CRY1: variants seen among roughly 807,000 people sequenced by gnomAD.
The protein encoded by CRY1 is cryptochrome-1.
Under a neutral mutation model 76.0 loss-of-function variants are expected in CRY1, and 45 were observed. The ratio of observed to expected loss-of-function variants is 0.59; its 90% CI spans 0.47 to 0.76. CRY1 has a LOEUF of 0.76. CRY1 is among the 30% of genes least tolerant of loss of function. The pLI is 0.00. For synonymous variants in CRY1, 248 were observed against 244.0 expected, an observed-to-expected ratio of 1.02 and a Z score of -0.15; for missense variants, 587 against 716.4, an observed-to-expected ratio of 0.82 and a Z score of 2.06.
At chr12:107,077,066 T>C (rs73184267) in intron 1 of CRY1, among the ~76,000 whole-genome samples, 1,631 of 152,200 alleles carry the variant, frequency 0.011, 21 homozygotes, top group Non-Finnish European at 0.015. Flanking sequence ...TATTTCCTTA[T>C]AGCAATGCAA....
intron 1 of CRY1, among the ~76,000 whole-genome samples, chr12:107,023,656 C>A (rs887603461): frequency 4.6e-5 from 7 of 152,162 alleles, no homozygotes; most frequent in African/African-American, 1.7e-4. Context: ...AGTCAAGGTG[C>A]TATATTTTTA....
rs1398751313 is a variant in CRY1 at position 106,999,926 on chromosome 12, T to G, written c.825+16A>C. On this transcript the variant is annotated intron_variant, in intron 6 of 12. Coordinates refer to ENST00000008527, the MANE Select transcript of CRY1 (RefSeq NM_004075.5). ...TTTTAAAGTATTAAACAATAAGCTC[T>G]AATTTTAGAGAATACCTTTTTGTAG... 6.3e-7 allele frequency: 1 copy of G among 1,592,556 alleles called. No individual in the cohort carries two copies. The highest frequency in any genetic ancestry group is 1.2e-5 in the South Asian group (1 of 86,118).
In CRY1 at chr12:107,001,752, G is replaced by A. The variant is rs752701843; in HGVS notation, c.595+12C>T. ...ACTTGCAAGCCTCACACTGACTACA[G>A]TTTACACTCACCTAGCTCTTCCAGT... On this transcript the variant is annotated intron_variant, in intron 4 of 12. Transcript: ENST00000008527. 5.2e-6 allele frequency: 8 copies of A among 1,534,614 alleles called. No individual in the cohort carries two copies. The highest frequency in any genetic ancestry group is 6.9e-6 in the Non-Finnish European group (8 of 1,152,810).
intron 3 of CRY1, among the ~76,000 whole-genome samples, chr12:107,002,992 A>C (rs961855683): frequency 1.3e-5 from 2 of 152,154 alleles, no homozygotes; most frequent in African/African-American, 4.8e-5. Flanking sequence ...TAAATTGCCC[A>C]GTCTCGGGTA....
intron 2 of CRY1, among the ~76,000 whole-genome samples, chr12:107,008,898 C>T (rs1661330770): frequency 6.6e-6 from 1 of 152,198 alleles, no homozygotes; most frequent in African/African-American, 2.4e-5. Flanking sequence ...TAACATGTGC[C>T]TTTGCTCCTC....
intron 1 of CRY1, among the ~76,000 whole-genome samples, chr12:107,029,539 T>C (rs1022391338): frequency 6.7e-6 from 1 of 149,500 alleles, no homozygotes; most frequent in African/African-American, 2.5e-5. Flanking sequence ...GAGGCTGCAC[T>C]GAGCTGGCTG....
intron 2 of CRY1, among the ~76,000 whole-genome samples, chr12:107,020,704 G>C (rs779933507): frequency 1.3e-5 from 2 of 152,024 alleles, no homozygotes; most frequent in African/African-American, 4.8e-5. Context: ...CTGCAGAACT[G>C]TGAGCCAATT....
At chr12:107,047,324 A>G (rs952278063) in intron 1 of CRY1, among the ~76,000 whole-genome samples, 3 of 152,218 alleles carry the variant, frequency 2.0e-5, no homozygotes, top group African/African-American at 7.2e-5. Flanking sequence ...AAATCATTTC[A>G]TTTGAAACAA....
intron 1 of CRY1, among the ~76,000 whole-genome samples, chr12:107,091,028 G>C (rs755593990): frequency 3.3e-5 from 5 of 151,254 alleles, no homozygotes; most frequent in Non-Finnish European, 7.4e-5. Flanking sequence ...TTTTTATATA[G>C]CACCAAACTA....
chr12:107,071,270 C>T (rs1334681273), intron 1 of CRY1, among the ~76,000 whole-genome samples: 1 of 152,080 alleles, frequency 6.6e-6, no homozygotes, highest in Non-Finnish European at 1.5e-5. Flanking sequence ...CCTTCTATTT[C>T]TGGTTTAGTA....
chr12:107,059,209 C>A (rs1335170192), intron 1 of CRY1, among the ~76,000 whole-genome samples: 4 of 151,902 alleles, frequency 2.6e-5, no homozygotes, highest in African/African-American at 4.8e-5. Context: ...TAAGTTACAA[C>A]CCCCCAAATT....
chr12:107,087,153 A>C (rs1953412788), intron 1 of CRY1, among the ~76,000 whole-genome samples: 1 of 152,244 alleles, frequency 6.6e-6, no homozygotes. Flanking sequence ...ATTAGACTCC[A>C]ATCCATGAGA....
chr12:107,017,542 T>C (rs1244331231), intron 2 of CRY1, among the ~76,000 whole-genome samples: 1 of 152,204 alleles, frequency 6.6e-6, no homozygotes, highest in Admixed American at 6.5e-5. Flanking sequence ...TGTTGTTTGG[T>C]CCACTCTCTA....
intron 1 of CRY1, among the ~76,000 whole-genome samples, chr12:107,089,679 T>TA (rs920987526): frequency 6.6e-6 from 1 of 152,144 alleles, no homozygotes; most frequent in African/African-American, 2.4e-5. Flanking sequence ...TAAAGAAAAC[T>TA]AAGAGGGTTT....
rs146062464 is a variant in CRY1, at chr12:107,043,818, G to A, written c.159-21626C>T. Among the ~76,000 whole-genome samples the A allele has an allele frequency of 4.8e-3, 723 of 152,042 alleles. 16 individuals carry two copies. The highest frequency in any genetic ancestry group is 3.5e-3 in the East Asian group (18 of 5,170). ...ATACTGCTGAGCCCCACTATACCACGGTCTAGAGTTATTACTACACAGTTG... is the reference window on the plus strand; with the variant it reads ...ATACTGCTGAGCCCCACTATACCACAGTCTAGAGTTATTACTACACAGTTG... On this transcript the variant is annotated intron_variant, in intron 1 of 12. Coordinates refer to ENST00000008527, the MANE Select transcript of CRY1 (RefSeq NM_004075.5).
In CRY1 at chr12:107,021,725, C is replaced by A. The variant is rs549776112; in HGVS notation, c.267+359G>T. Among the ~76,000 whole-genome samples the A allele has an allele frequency of 9.9e-4, 150 of 151,370 alleles. 1 individual carries two copies. Among genetic ancestry groups the A allele is most frequent in the Admixed American group, 6.6e-3 (101 of 15,188 alleles). On this transcript the variant is annotated intron_variant, in intron 2 of 12. Coordinates refer to ENST00000008527, the MANE Select transcript of CRY1 (RefSeq NM_004075.5). ...ACATATATATATACACACACACACACAAAAATATATATATATACACACACA... is the reference window on the plus strand; with the variant it reads ...ACATATATATATACACACACACACAAAAAAATATATATATATACACACACA...
At chr12:107,078,026 A>T (rs1173339584) in intron 1 of CRY1, among the ~76,000 whole-genome samples, 1 of 152,244 alleles carries the variant, frequency 6.6e-6, no homozygotes, top group Non-Finnish European at 1.5e-5. Context: ...TAATTCATTG[A>T]TTAAGGAAGA....
chr12:107,053,740 A>ATACAAGTAAATT (rs1186649315), intron 1 of CRY1, among the ~76,000 whole-genome samples: 4 of 152,236 alleles, frequency 2.6e-5, no homozygotes, highest in African/African-American at 7.2e-5. Flanking sequence ...AGCACTGTAA[A>ATACAAGTAAATT]TCCAAGAGAA....
chr12:106,996,044 A>G (rs1397679697), intron 10 of CRY1, among the ~76,000 whole-genome samples: 1 of 152,100 alleles, frequency 6.6e-6, no homozygotes, highest in African/African-American at 2.4e-5. Flanking sequence ...GGGTTTCTCC[A>G]TGTTGGTCAG....
Sources: allele counts gnomAD v4.1 joint callset (sites outside exome capture counted in the v4.1 genomes callset), GRCh38; gene constraint gnomAD v4.1.1; transcripts MANE v1.5; gene names NCBI Gene and HGNC (gene_info 2026-07-23, HGNC 2026-07-21).